RCC1L: variants seen among roughly 807,000 people sequenced by gnomAD.
RCC1L encodes the protein RCC1 like.
A neutral mutation model predicts 58.6 loss-of-function variants in RCC1L; 46 were observed. That is an observed-to-expected ratio of 0.79 (90% confidence interval 0.62 to 1.00). The LOEUF (loss-of-function observed/expected upper bound fraction) is 1.00, where lower values mean the gene tolerates loss of function less well. RCC1L is among the 50% of genes least tolerant of loss of function. The pLI is 0.00. For missense variants in RCC1L, 636 were observed against 623.6 expected, an observed-to-expected ratio of 1.02 and a Z score of -0.21; for synonymous variants, 281 against 262.9, an observed-to-expected ratio of 1.07 and a Z score of -0.67.
chr7:75,072,181 T>G (rs1277660458), intron 1 of RCC1L, among the ~76,000 whole-genome samples: 1 of 99,450 alleles, frequency 1.0e-5, no homozygotes, highest in Non-Finnish European at 2.1e-5. Flanking sequence ...TATATATATA[T>G]ATATATATAT....
chr7:75,059,064 A>G (rs1189403606), intron 6 of RCC1L, among the ~76,000 whole-genome samples: 2 of 151,032 alleles, frequency 1.3e-5, no homozygotes, highest in Non-Finnish European at 1.5e-5. Flanking sequence ...ATAATGGTAC[A>G]TGCCTGTAAT....
intron 10 of RCC1L, among the ~76,000 whole-genome samples, chr7:75,049,935 G>A (rs1805854033): frequency 6.6e-6 from 1 of 151,710 alleles, no homozygotes; most frequent in Admixed American, 6.6e-5. Flanking sequence ...TTTTTTTTAA[G>A]TGAGTCATCA....
rs1805312481 is a variant in RCC1L, at chr7:75,031,765, C to T, written c.1318-3686G>A. On this transcript the variant is annotated intron_variant, in intron 10 of 10. Coordinates refer to the RCC1L transcript ENST00000614461. ...TAACATGATCATTATTTATAGGTCA[C>T]ATTTTCTGTGGGTCAGGAATTCAGG... 2.0e-5 allele frequency among the ~76,000 whole-genome samples: 3 copies of T among 152,162 alleles called. No individual in the cohort carries two copies. In the South Asian group the frequency reaches 6.2e-4, roughly 32 times the overall value.
chr7:75,027,765 C>T (rs1404977571), exon 11 of RCC1L: 7 of 513,736 alleles, frequency 1.4e-5, no homozygotes, highest in African/African-American at 5.9e-5. Flanking sequence ...CCATCCTGCT[C>T]GTGTAAAGCT....
intron 10 of RCC1L, among the ~76,000 whole-genome samples, chr7:75,047,085 G>A (rs1805745467): frequency 6.6e-6 from 1 of 152,038 alleles, no homozygotes; most frequent in Non-Finnish European, 1.5e-5. Context: ...AGCCCCCCAA[G>A]TAGCTGGGAT....
At chr7:75,048,023 T>C (rs1221134853) in intron 10 of RCC1L, among the ~76,000 whole-genome samples, 1 of 147,672 alleles carries the variant, frequency 6.8e-6, no homozygotes, top group African/African-American at 2.5e-5. Context: ...TCCCAGCACT[T>C]TGGGAGGCCG....
chr7:75,063,639 C>G (rs1806352764), intron 4 of RCC1L, among the ~76,000 whole-genome samples: 1 of 152,124 alleles, frequency 6.6e-6, no homozygotes, highest in Non-Finnish European at 1.5e-5. Flanking sequence ...AAAGAACTCA[C>G]CGGGCGCGGT....
intron 9 of RCC1L, among the ~76,000 whole-genome samples, chr7:75,053,821 A>C (rs970775671): frequency 9.2e-5 from 14 of 152,160 alleles, no homozygotes; most frequent in Non-Finnish European, 1.8e-4. Flanking sequence ...TGAAGTACGG[A>C]ATAATTACAA....
At chr7:75,053,128 G>A (rs1270854601) in intron 9 of RCC1L, among the ~76,000 whole-genome samples, 1 of 110,534 alleles carries the variant, frequency 9.0e-6, no homozygotes, top group African/African-American at 3.5e-5. Flanking sequence ...GCTGGGGGTG[G>A]TGCATGGAGC....
intron 10 of RCC1L, among the ~76,000 whole-genome samples, chr7:75,047,107 G>A (rs1312118816): frequency 3.3e-5 from 5 of 152,174 alleles, no homozygotes; most frequent in South Asian, 2.1e-4. Flanking sequence ...ACAGGCATGC[G>A]CCACCACACC....
downstream of RCC1L, among the ~76,000 whole-genome samples, chr7:75,038,965 C>T (rs1020412172): frequency 3.3e-5 from 5 of 152,286 alleles, no homozygotes; most frequent in South Asian, 4.1e-4. Context: ...TTAAGCCTCC[C>T]GGGTAGCTGG....
At chr7:75,048,097 T>C (rs1197996521) in intron 10 of RCC1L, among the ~76,000 whole-genome samples, 3 of 148,588 alleles carry the variant, frequency 2.0e-5, no homozygotes, top group African/African-American at 7.4e-5. Context: ...TGAAACCTCA[T>C]CTCTACTAAA....
At chr7:75,056,417 T>C in intron 8 of RCC1L, 1 of 1,123,942 alleles carries the variant, frequency 8.9e-7, no homozygotes, top group Non-Finnish European at 1.2e-6. Flanking sequence ...GGAGGATGTT[T>C]TCTCCCCCTA....
At chr7:75,028,092 G>A in intron 10 of RCC1L, 1 of 1,525,048 alleles carries the variant, frequency 6.6e-7, no homozygotes, top group Non-Finnish European at 8.7e-7. Context: ...GGCGGGGGAG[G>A]AAGAGGGCTC....
rs1010691357 is a variant in RCC1L, at chr7:75,042,890, G to C, written c.*142C>G. On this transcript the variant is annotated 3_prime_UTR_variant, in exon 11 of 11. Coordinates refer to ENST00000610322, the MANE Select transcript of RCC1L (RefSeq NM_030798.5). ...TCCTCCTGGTAGGTACCCGCTAAGG[G>C]ATTCAGGACAGAGCGTCACACTGCA... The C allele has an allele frequency of 1.8e-4, 268 of 1,495,994 alleles. No individual in the cohort carries two copies. The highest frequency in any genetic ancestry group is 2.3e-4 in the Non-Finnish European group (262 of 1,116,308). The allele number at this position is 1,495,994 out of a possible 1,614,324, so 92.7% of individuals were successfully genotyped here.
At chr7:75,037,800 C>T (rs1417342276), downstream of RCC1L, among the ~76,000 whole-genome samples, 2 of 152,206 alleles carry the variant, frequency 1.3e-5, no homozygotes, top group African/African-American at 2.4e-5. Flanking sequence ...TGAGCCACCA[C>T]ACCTGGCCAT....
intron 2 of RCC1L, among the ~76,000 whole-genome samples, chr7:75,068,253 G>T (rs957730387): frequency 6.7e-6 from 1 of 149,672 alleles, no homozygotes. Context: ...CCAGGAGGAG[G>T]AGGCTGCGGT....
chr7:75,038,243 C>A (rs1805471409), downstream of RCC1L, among the ~76,000 whole-genome samples: 1 of 152,052 alleles, frequency 6.6e-6, no homozygotes, highest in African/African-American at 2.4e-5. Context: ...ATAGAGAAGA[C>A]CCCAGAACAG....
intron 10 of RCC1L, among the ~76,000 whole-genome samples, chr7:75,049,227 A>G (rs1386412886): frequency 6.6e-6 from 1 of 152,184 alleles, no homozygotes; most frequent in Non-Finnish European, 1.5e-5. Flanking sequence ...AGATCACCCA[A>G]GCCAGTGACT....
Sources: gnomAD v4.1 joint callset for allele counts (sites outside exome capture counted in the v4.1 genomes callset) on GRCh38, gnomAD v4.1.1 for gene constraint, MANE v1.5 for transcripts, NCBI Gene and HGNC (gene_info 2026-07-23, HGNC 2026-07-21) for gene names.